ZC3H12C: variants seen among roughly 807,000 people sequenced by gnomAD.
ZC3H12C encodes zinc finger CCCH-type containing 12C.
In ZC3H12C, 20 loss-of-function variants were observed where a neutral mutation model predicts 76.3. The ratio of observed to expected loss-of-function variants is 0.26; its 90% CI spans 0.18 to 0.38. ZC3H12C has a LOEUF of 0.38. Among genes scored for constraint, ZC3H12C ranks in the 10% least tolerant of loss-of-function variants. The pLI is 1.00. For missense variants in ZC3H12C, 874 were observed against 1,086.5 expected, an observed-to-expected ratio of 0.80 and a Z score of 2.75; for synonymous variants, 352 against 399.6, an observed-to-expected ratio of 0.88 and a Z score of 1.42.
intron 1 of ZC3H12C, among the ~76,000 whole-genome samples, chr11:110,105,985 C>CCAATTTGTATTTCTGT (rs373817802): frequency 4.0e-5 from 3 of 75,342 alleles, no homozygotes; most frequent in African/African-American, 1.6e-4. Flanking sequence ...AAAAGTTATA[C>CCAATTTGTATTTCTGT]CAGCCGGGCG....
chr11:110,136,524 A>T, intron 1 of ZC3H12C, 139 bp from the exon 2 acceptor site: 1 of 883,482 alleles, frequency 1.1e-6, no homozygotes, highest in Non-Finnish European at 1.7e-6. Flanking sequence ...TCTCTTGGCA[A>T]GGGTGTTAGG....
At chr11:110,144,833 C>A (rs561491063) in intron 2 of ZC3H12C, among the ~76,000 whole-genome samples, 37 of 152,044 alleles carry the variant, frequency 2.4e-4, no homozygotes, top group Admixed American at 1.1e-3. Context: ...TGCCTTCATT[C>A]TCTTTTTAGG....
chr11:110,096,270 A>G (rs567343494), intron 1 of ZC3H12C, among the ~76,000 whole-genome samples: 5 of 152,388 alleles, frequency 3.3e-5, no homozygotes, highest in Non-Finnish European at 7.3e-5. Context: ...TTGTAGGATT[A>G]GTGTGTAAAT....
intron 3 of ZC3H12C, 95 bp from the exon 4 acceptor site, chr11:110,159,161 C>A: frequency 2.2e-6 from 2 of 906,832 alleles, no homozygotes; most frequent in Non-Finnish European, 3.4e-6. Context: ...TTCATATATA[C>A]AGCTTATGTT....
chr11:110,106,191 C>A (rs1861322318), intron 1 of ZC3H12C, among the ~76,000 whole-genome samples: 1 of 40,756 alleles, frequency 2.5e-5, no homozygotes. Context: ...TGGCGTGAAC[C>A]CGGGAGGCGG....
Position 110,137,206 on chromosome 11 carries a change from G to C in ZC3H12C, c.565G>C (p.Asp189His). ...GCTTGTACTAAACAAACTTGGTACT[G>C]ATGCTTTAATCAATGATATTTTGGG... ...VQLVLNKLGTDALINDILGEL... is the reference protein window; with the variant it reads ...VQLVLNKLGTHALINDILGEL... Residue 189 changes from aspartate to histidine, a missense_variant, in exon 2 of 6, where the codon GAT (aspartate) becomes CAT (histidine). By Grantham distance (81) the Asp-to-His change is moderately conservative. Around this residue, in one of 3 missense-constraint regions of ZC3H12C, gnomAD observed 210 missense variants for 227.1 expected, o/e 0.92. Coordinates refer to ENST00000278590, the MANE Select transcript of ZC3H12C (RefSeq NM_033390.2). 1 of 1,613,886 alleles carries C rather than the reference G, an allele frequency of 6.2e-7. No homozygotes were observed. Among genetic ancestry groups the C allele is most frequent in the Non-Finnish European group, 8.5e-7 (1 of 1,179,860 alleles).
At chr11:110,104,576 AG>A (rs1046836385) in intron 1 of ZC3H12C, among the ~76,000 whole-genome samples, 14 of 152,224 alleles carry the variant, frequency 9.2e-5, no homozygotes, top group African/African-American at 3.4e-4. Flanking sequence ...CAGATAATCT[AG>A]GTTGAAGACC....
At chr11:110,122,975 G>A (rs1414911765) in intron 1 of ZC3H12C, among the ~76,000 whole-genome samples, 2 of 152,178 alleles carry the variant, frequency 1.3e-5, no homozygotes, top group African/African-American at 4.8e-5. Flanking sequence ...TGCACATCCT[G>A]GGTGCCACAG....
chr11:110,117,002 A>T (rs1359111801), intron 1 of ZC3H12C, among the ~76,000 whole-genome samples: 2 of 152,238 alleles, frequency 1.3e-5, no homozygotes, highest in Non-Finnish European at 2.9e-5. Context: ...AAGTTTCAGA[A>T]TACCAGTAAG....
At position 110,139,909 on chromosome 11, in the gene ZC3H12C, C is replaced by T. The variant is rs370363141; in HGVS notation, c.773+2495C>T. Among the ~76,000 whole-genome samples the T allele has an allele frequency of 6.4e-5, 9 of 140,900 alleles. No homozygotes were observed. The East Asian group carries it at 1.7e-3, about 27-fold the overall frequency. 92.4% of individuals were successfully genotyped at this position (140,900 alleles called of 152,430 possible). A position where few individuals can be genotyped will look rare whatever the true frequency, so the allele number is the denominator to read the frequency against. ...TTTGAGACTGAGTCTCGCTTTGTCA[C>T]TCAGGCTGGAGTGCAGTGGCATGAT... On this transcript the variant is annotated intron_variant, in intron 2 of 5. Transcript: ENST00000278590.
At chr11:110,117,879 T>TATATATTATATATATACACACACAC (rs1171227423) in intron 1 of ZC3H12C, among the ~76,000 whole-genome samples, 4 of 24,862 alleles carry the variant, frequency 1.6e-4, no homozygotes, top group African/African-American at 3.2e-4. Context: ...TACACACACA[T>TATATATTATATATATACACACACAC]ATATATATTA....
chr11:110,099,692 A>G (rs1293857610), intron 1 of ZC3H12C, among the ~76,000 whole-genome samples: 1 of 152,060 alleles, frequency 6.6e-6, no homozygotes, highest in Non-Finnish European at 1.5e-5. Context: ...TGTGCCTGTA[A>G]AACCAACTAC....
intron 5 of ZC3H12C, among the ~76,000 whole-genome samples, chr11:110,163,951 T>A (rs966191530): frequency 2.0e-5 from 3 of 151,872 alleles, no homozygotes; most frequent in African/African-American, 7.3e-5. Flanking sequence ...TACAAAAAAA[T>A]TCACCAGGCT....
chr11:110,153,333 G>A (rs569194035), intron 3 of ZC3H12C, among the ~76,000 whole-genome samples: 111 of 152,124 alleles, frequency 7.3e-4, no homozygotes, highest in Middle Eastern at 3.4e-3. Context: ...GATTACAGGC[G>A]TGTGCCACCA....
At chr11:110,134,192 T>G (rs1861914090) in intron 1 of ZC3H12C, among the ~76,000 whole-genome samples, 1 of 152,076 alleles carries the variant, frequency 6.6e-6, no homozygotes, top group Non-Finnish European at 1.5e-5. Flanking sequence ...GAGCAGATTG[T>G]GGGGTTTATA....
chr11:110,125,270 A>AGTGTGTGTGT (rs59512764), intron 1 of ZC3H12C, among the ~76,000 whole-genome samples: 6 of 138,684 alleles, frequency 4.3e-5, no homozygotes, highest in African/African-American at 8.2e-5. Context: ...ATCTCTCACT[A>AGTGTGTGTGT]GTGTGTGTGT....
intron 2 of ZC3H12C, among the ~76,000 whole-genome samples, chr11:110,152,564 A>G (rs898834017): frequency 1.3e-5 from 2 of 151,990 alleles, no homozygotes; most frequent in African/African-American, 4.8e-5. Flanking sequence ...AGTTCTTGAC[A>G]TTTGACTGAA....
intron 2 of ZC3H12C, among the ~76,000 whole-genome samples, chr11:110,145,794 T>G (rs661171): frequency 0.69 from 105,463 of 151,902 alleles, 36,811 homozygotes; most frequent in East Asian, 0.81. Context: ...TCCTAGAATC[T>G]TCCAAATACC....
chr11:110,136,370 A>G lies in ZC3H12C; in HGVS notation c.22-293A>G, dbSNP rs867271857. The G allele has an allele frequency of 1.2e-4, 35 of 285,292 alleles. 1 individual carries two copies. Among genetic ancestry groups the G allele is most frequent in the Middle Eastern group, 1.1e-3 (1 of 936 alleles). The allele number at this position is 285,292 out of a possible 1,614,324, so 17.7% of individuals were successfully genotyped here. A position where few individuals can be genotyped will look rare whatever the true frequency, so the allele number is the denominator to read the frequency against. Reference sequence around the variant, plus strand: ...CATCGAGATTGAGAAGGAGCATGATATAGTGGGAAAAGCATGGGTTTTAGA... The same window carrying G: ...CATCGAGATTGAGAAGGAGCATGATGTAGTGGGAAAAGCATGGGTTTTAGA... On this transcript the variant is annotated intron_variant, in intron 1 of 5. Coordinates refer to ENST00000278590, the MANE Select transcript of ZC3H12C (RefSeq NM_033390.2).
Sources: gnomAD v4.1 joint callset for allele counts (sites outside exome capture counted in the v4.1 genomes callset) on GRCh38, gnomAD v4.1.1 for gene constraint, gnomAD v4.1.1 regional missense constraint, MANE v1.5 for transcripts, NCBI Gene and HGNC (gene_info 2026-07-23, HGNC 2026-07-21) for gene names.